PPARGC1A: variants seen among roughly 807,000 people sequenced by gnomAD.
PPARGC1A encodes the protein peroxisome proliferator-activated receptor gamma coactivator 1-alpha.
PPARGC1A carries 25 observed loss-of-function variants against 88.7 expected under a neutral mutation model. The ratio of observed to expected loss-of-function variants is 0.28; its 90% CI spans 0.21 to 0.39. The LOEUF (loss-of-function observed/expected upper bound fraction) is 0.39, where lower values mean the gene tolerates loss of function less well. PPARGC1A is among the 10% of genes least tolerant of loss of function. The pLI is 1.00. For missense variants in PPARGC1A, 880 were observed against 968.7 expected (o/e 0.91, Z 1.22); for synonymous variants, 363 against 355.6 (o/e 1.02, Z -0.24).
chr4:24,067,102 A>G, the PPARGC1A span, among the ~76,000 whole-genome samples: 1 of 152,060 alleles, frequency 6.6e-6, no homozygotes. Context: ...CTTCTTGATA[A>G]AACTAAAATT....
chr4:23,813,236 C>A, intron 8 of PPARGC1A, 111 bp from the exon 9 acceptor site: 1 of 892,592 alleles, frequency 1.1e-6, no homozygotes. Context: ...CTGGCTTTTT[C>A]TTCCCAGCTA....
the PPARGC1A span, among the ~76,000 whole-genome samples, chr4:24,059,068 A>T: frequency 1.3e-5 from 2 of 152,060 alleles, no homozygotes; most frequent in African/African-American, 4.8e-5. Context: ...TACCAATGAA[A>T]CCCATCAAAA....
the PPARGC1A span, among the ~76,000 whole-genome samples, chr4:24,221,989 A>G: frequency 3.3e-5 from 5 of 152,216 alleles, no homozygotes; most frequent in Admixed American, 2.0e-4. Context: ...TGTTTGGAAC[A>G]TCTGCCTCAC....
the PPARGC1A span, among the ~76,000 whole-genome samples, chr4:24,032,383 T>C: frequency 2.5e-4 from 38 of 152,310 alleles, 1 homozygote; most frequent in East Asian, 2.1e-3. Flanking sequence ...TGGAGCCTCT[T>C]GCCTTTCCAC....
chr4:24,461,199 A>C, the PPARGC1A span, among the ~76,000 whole-genome samples: 1 of 152,246 alleles, frequency 6.6e-6, no homozygotes, highest in East Asian at 1.9e-4. Flanking sequence ...CTAGGATTGC[A>C]GCGTAAGCCA....
intron 7 of PPARGC1A, among the ~76,000 whole-genome samples, chr4:23,820,889 A>G (rs1722893645): frequency 6.6e-6 from 1 of 152,180 alleles, no homozygotes; most frequent in Admixed American, 6.6e-5. Flanking sequence ...AGAAGACACC[A>G]GAAGGCCTGA....
the PPARGC1A span, among the ~76,000 whole-genome samples, chr4:24,219,627 C>T: frequency 6.6e-6 from 1 of 152,218 alleles, no homozygotes; most frequent in East Asian, 1.9e-4. Context: ...CCTACAGCCA[C>T]TGGCTGGACT....
the PPARGC1A span, among the ~76,000 whole-genome samples, chr4:24,002,092 A>T: frequency 7.3e-6 from 1 of 137,924 alleles, no homozygotes; most frequent in South Asian, 2.4e-4. Flanking sequence ...ACACACACAC[A>T]CACACAGAGA....
rs1270998687 is a variant in PPARGC1A at position 23,814,956 on chromosome 4, A to T, written c.878-351T>A. Reference sequence around the variant, plus strand: ...TACCAAAGCTTGCATTTTCAAGGGGATTGTATGGGCTGCTTTATGGAAAAT... The same window carrying T: ...TACCAAAGCTTGCATTTTCAAGGGGTTTGTATGGGCTGCTTTATGGAAAAT... On this transcript the variant is annotated intron_variant, in intron 7 of 12. Transcript: ENST00000264867. Among the ~76,000 whole-genome samples the T allele has an allele frequency of 2.0e-5, 3 of 152,022 alleles. No homozygotes were observed. The East Asian group carries it at 5.8e-4, about 29-fold the overall frequency.
At chr4:23,939,394 T>A in the PPARGC1A span, among the ~76,000 whole-genome samples, 1 of 152,198 alleles carries the variant, frequency 6.6e-6, no homozygotes. Flanking sequence ...ACAATAAGCA[T>A]ACTCAAAAAT....
chr4:23,910,236 A>AATATATATAAATATATATT, the PPARGC1A span, among the ~76,000 whole-genome samples: 3 of 105,420 alleles, frequency 2.8e-5, no homozygotes, highest in Non-Finnish European at 5.4e-5. Flanking sequence ...TATTATATAT[A>AATATATATAAATATATATT]ATATATATAA....
At chr4:24,063,167 G>T in the PPARGC1A span, among the ~76,000 whole-genome samples, 5 of 152,102 alleles carry the variant, frequency 3.3e-5, no homozygotes, top group African/African-American at 9.7e-5. Context: ...CTCCCTGAAA[G>T]TTCTGTAATG....
chr4:24,328,162 T>C, the PPARGC1A span, among the ~76,000 whole-genome samples: 2 of 152,166 alleles, frequency 1.3e-5, no homozygotes, highest in Non-Finnish European at 2.9e-5. Flanking sequence ...AACAGCCATG[T>C]TGCTAATACA....
chr4:24,171,742 T>C, the PPARGC1A span, among the ~76,000 whole-genome samples: 4 of 152,246 alleles, frequency 2.6e-5, no homozygotes, highest in Admixed American at 2.6e-4. Context: ...TAATTCATGA[T>C]AGATGTACTT....
At chr4:24,268,558 T>C in the PPARGC1A span, among the ~76,000 whole-genome samples, 1 of 152,308 alleles carries the variant, frequency 6.6e-6, no homozygotes, top group East Asian at 1.9e-4. Flanking sequence ...AGGAACAAAT[T>C]TGTTTAAAGC....
the PPARGC1A span, among the ~76,000 whole-genome samples, chr4:24,292,002 C>T: frequency 2.6e-5 from 4 of 152,254 alleles, no homozygotes; most frequent in Admixed American, 1.3e-4. Flanking sequence ...AGAAAACCTG[C>T]GAGAGTGACG....
At chr4:24,122,430 TATATATAGAGAGAGAG>T in the PPARGC1A span, among the ~76,000 whole-genome samples, 1 of 140,510 alleles carries the variant, frequency 7.1e-6, no homozygotes, top group African/African-American at 2.7e-5. Flanking sequence ...TATATATATA[TATATATAGAGAGAGAG>T]AGAGAGAGAG....
At chr4:23,947,396 TAAAAAA>T in the PPARGC1A span, among the ~76,000 whole-genome samples, 2 of 19,840 alleles carry the variant, frequency 1.0e-4, no homozygotes, top group Admixed American at 5.6e-4. Context: ...TATATATATA[TAAAAAA>T]AACGGTGATG....
At chr4:24,071,093 T>C in the PPARGC1A span, among the ~76,000 whole-genome samples, 2,817 of 152,302 alleles carry the variant, frequency 0.018, 93 homozygotes, top group African/African-American at 0.065. Flanking sequence ...ACCTTAAGAC[T>C]AGATGTCAAA....
Sources: allele counts gnomAD v4.1 joint callset (sites outside exome capture counted in the v4.1 genomes callset), GRCh38; gene constraint gnomAD v4.1.1; transcripts MANE v1.5; gene names NCBI Gene and HGNC (gene_info 2026-07-23, HGNC 2026-07-21).